Variants in RRM1 observed in about 807,000 individuals in gnomAD.
The protein encoded by RRM1 is ribonucleotide reductase catalytic subunit M1.
Under a neutral mutation model 101.5 loss-of-function variants are expected in RRM1, and 19 were observed. That is an observed-to-expected ratio of 0.19 (90% CI 0.13 to 0.27). The LOEUF is 0.27. Ranked by LOEUF, RRM1 falls within the 10% of genes least tolerant of loss-of-function variation. The pLI is 1.00. For missense variants in RRM1, 500 were observed against 962.9 expected, an observed-to-expected ratio of 0.52 and a Z score of 6.36; for synonymous variants, 298 against 323.4, an observed-to-expected ratio of 0.92 and a Z score of 0.84.
chr11:4,095,080 T>TGCC, intron 1 of RRM1, 49 bp downstream of exon 1: 1 of 1,550,022 alleles, frequency 6.5e-7, no homozygotes, highest in African/African-American at 1.4e-5. Flanking sequence ...GGATGCGGGC[T>TGCC]GCCGCCGCCG....
At chr11:4,107,594 A>T (rs1303398444) in intron 4 of RRM1, 59 bp downstream of exon 4, 2 of 1,032,346 alleles carry the variant, frequency 1.9e-6, no homozygotes, top group African/African-American at 3.2e-5. Context: ...TAATGCACAC[A>T]TTTTAGAAAA....
At chr11:4,110,937 A>C (rs1055209861) in intron 5 of RRM1, among the ~76,000 whole-genome samples, 1 of 152,068 alleles carries the variant, frequency 6.6e-6, no homozygotes, top group Non-Finnish European at 1.5e-5. Flanking sequence ...TGTTGCTTAG[A>C]TCCGTGCCTA....
intron 14 of RRM1, among the ~76,000 whole-genome samples, chr11:4,127,502 G>A (rs536405031): frequency 6.2e-4 from 95 of 152,288 alleles, no homozygotes; most frequent in African/African-American, 2.2e-3. Flanking sequence ...GGGAAGCAAC[G>A]TGACTATGGA....
At chr11:4,114,106 G>C (rs1014468247) in intron 7 of RRM1, among the ~76,000 whole-genome samples, 1 of 152,074 alleles carries the variant, frequency 6.6e-6, no homozygotes, top group Non-Finnish European at 1.5e-5. Context: ...CTGCACTCCA[G>C]CCTGGGCAAC....
chr11:4,098,752 ACTT>A (rs2133283449), intron 1 of RRM1, among the ~76,000 whole-genome samples: 1 of 152,198 alleles, frequency 6.6e-6, no homozygotes, highest in East Asian at 1.9e-4. Flanking sequence ...CATTGAGTTG[ACTT>A]CTTGGTGTGG....
chr11:4,130,789 T>C (rs1003403429), intron 15 of RRM1, among the ~76,000 whole-genome samples: 3 of 152,232 alleles, frequency 2.0e-5, no homozygotes, highest in Non-Finnish European at 4.4e-5. Context: ...ATGTTTTTAA[T>C]TATTATAGAC....
intron 9 of RRM1, among the ~76,000 whole-genome samples, chr11:4,121,030 G>A (rs1590724855): frequency 6.6e-6 from 1 of 152,022 alleles, no homozygotes; most frequent in East Asian, 1.9e-4. Flanking sequence ...AAACAAAACA[G>A]AACAAACAAA....
intron 4 of RRM1, 57 bp from the exon 5 acceptor site, chr11:4,109,587 T>C: frequency 7.1e-7 from 1 of 1,409,214 alleles, no homozygotes; most frequent in Non-Finnish European, 9.9e-7. Flanking sequence ...ATAAGAGATT[T>C]TGTGAAAATA....
At chr11:4,109,754 A>G (rs1435179998) in intron 5 of RRM1, 51 bp downstream of exon 5, 3 of 1,445,072 alleles carry the variant, frequency 2.1e-6, no homozygotes, top group Non-Finnish European at 2.9e-6. Context: ...ATCATGAAAT[A>G]AAGGATTTTG....
At chr11:4,114,973 G>A (rs1198593668) in intron 7 of RRM1, among the ~76,000 whole-genome samples, 4 of 151,958 alleles carry the variant, frequency 2.6e-5, no homozygotes, top group African/African-American at 4.8e-5. Context: ...TTGGCCTCCC[G>A]AAGTGCTGGG....
At chr11:4,119,815 CTG>C (rs772212505) in intron 8 of RRM1, 28 bp from the exon 9 acceptor site, 35 of 1,394,308 alleles carry the variant, frequency 2.5e-5, no homozygotes, top group Non-Finnish European at 3.3e-5. Context: ...TGAGTGCCCT[CTG>C]TCATTTCTAT....
chr11:4,131,898 G>T (rs1301990091), intron 15 of RRM1, among the ~76,000 whole-genome samples: 1 of 152,184 alleles, frequency 6.6e-6, no homozygotes, highest in East Asian at 1.9e-4. Context: ...GGTTGGATGA[G>T]TGTAACCTAA....
chr11:4,123,977 G>GT (rs2094585679), intron 12 of RRM1, among the ~76,000 whole-genome samples: 1 of 152,204 alleles, frequency 6.6e-6, no homozygotes, highest in Admixed American at 6.5e-5. Context: ...TTAAAAAAAA[G>GT]TTTGAGAGAG....
chr11:4,126,973 G>C (rs1034586841), intron 13 of RRM1, 62 bp from the exon 14 acceptor site: 2 of 1,493,116 alleles, frequency 1.3e-6, no homozygotes, highest in Admixed American at 1.9e-5. Context: ...ATTTGGTACA[G>C]AATGTTGCTT....
At chr11:4,103,497 A>G (rs2094554374) in intron 2 of RRM1, among the ~76,000 whole-genome samples, 1 of 152,234 alleles carries the variant, frequency 6.6e-6, no homozygotes, top group Non-Finnish European at 1.5e-5. Context: ...TGCCTCATGC[A>G]GTAGTACATT....
intron 7 of RRM1, among the ~76,000 whole-genome samples, chr11:4,112,908 C>G (rs1010194477): frequency 7.2e-5 from 11 of 151,952 alleles, no homozygotes; most frequent in Non-Finnish European, 7.4e-5. Context: ...TCAAGGCTGC[C>G]GTGAGCCATG....
chr11:4,129,398 T>C (rs909107972), intron 15 of RRM1, among the ~76,000 whole-genome samples: 8 of 152,184 alleles, frequency 5.3e-5, no homozygotes, highest in Non-Finnish European at 1.2e-4. Context: ...TTAGTTGATC[T>C]TATTTTAGGG....
At chr11:4,128,153 CT>C (rs540169496) in intron 14 of RRM1, among the ~76,000 whole-genome samples, 270 of 149,666 alleles carry the variant, frequency 1.8e-3, no homozygotes, top group East Asian at 6.1e-3. Context: ...CACCACCCCC[CT>C]GTCCCGCTTT....
At position 4,138,281 on chromosome 11, in the gene RRM1, T is replaced by G; in HGVS notation, c.2277T>G (p.Asp759Glu). Residue 759 changes from aspartate to glutamate, a missense_variant, in exon 19 of 19, where the codon GAT (aspartate) becomes GAG (glutamate). This residue lies in a region of RRM1 where 33 missense variants were observed against 40.7 expected (regional missense o/e 0.81). Transcript: ENST00000300738. ...CTCTAAATAAGGAGAAGCTAAAAGATAAAGAAAAGGTATCAAAAGAGGAAG... is the reference window on the plus strand; with the variant it reads ...CTCTAAATAAGGAGAAGCTAAAAGAGAAAGAAAAGGTATCAAAAGAGGAAG... ...QFTLNKEKLKDKEKVSKEEEE... is the reference protein window; with the variant it reads ...QFTLNKEKLKEKEKVSKEEEE... 1 of 1,610,752 alleles carries G rather than the reference T, an allele frequency of 6.2e-7. No homozygotes were observed. The highest frequency in any genetic ancestry group is 2.2e-5 in the East Asian group (1 of 44,806).
Sources: allele counts gnomAD v4.1 joint callset (sites outside exome capture counted in the v4.1 genomes callset), GRCh38; gene constraint gnomAD v4.1.1; regional missense constraint gnomAD v4.1.1; transcripts MANE v1.5; gene names NCBI Gene and HGNC (gene_info 2026-07-23, HGNC 2026-07-21).